TIMP2: variants seen among roughly 807,000 people sequenced by gnomAD.
TIMP2 encodes the protein metalloproteinase inhibitor 2.
A neutral mutation model predicts 24.3 loss-of-function variants in TIMP2; 5 were observed. That is an observed-to-expected ratio of 0.21 (90% CI 0.11 to 0.43). The LOEUF is 0.43. TIMP2 is among the 20% of genes least tolerant of loss of function. TIMP2 has a pLI of 1.00. For missense variants in TIMP2, 221 were observed against 297.5 expected (o/e 0.74, Z 1.89); for synonymous variants, 130 against 123.2 (o/e 1.06, Z -0.37).
At chr17:78,862,091 T>C (rs1028314732) in intron 3 of TIMP2, among the ~76,000 whole-genome samples, 2 of 152,208 alleles carry the variant, frequency 1.3e-5, no homozygotes, top group Non-Finnish European at 2.9e-5. Flanking sequence ...TGTATGTTTA[T>C]TTTTCCTTTT....
In TIMP2 at chr17:78,866,618, T is replaced by C. The variant is rs370177822; in HGVS notation, c.340+4280A>G. The stretch of plus-strand genomic sequence containing the variant: ...ATGTTCATTGCAGTATTTGTCACAA[T>C]GGCCAAACGGTGGCAACAACCCAAA... On this transcript the variant is annotated intron_variant, in intron 3 of 4. Transcript: ENST00000262768. Among the ~76,000 whole-genome samples, 19 of 150,432 alleles carry C rather than the reference T, an allele frequency of 1.3e-4. No individual in the cohort carries two copies. The South Asian group carries it at 3.8e-3, about 30-fold the overall frequency.
In TIMP2 at chr17:78,855,549, G is replaced by A; in HGVS notation, c.*118C>T. The A allele has an allele frequency of 8.6e-7, 1 of 1,156,494 alleles. No homozygotes were observed. The highest frequency in any genetic ancestry group is 1.2e-6 in the Non-Finnish European group (1 of 822,934). The allele number at this position is 1,156,494 out of a possible 1,614,324, so 71.6% of individuals were successfully genotyped here. On this transcript the variant is annotated 3_prime_UTR_variant, in exon 5 of 5. Transcript: ENST00000262768. This position sits in a 1 kb window ranked among gnomAD's most constrained non-coding sequence, Gnocchi z 6.0. ...GGGGGGAGCAGAATCATATTAATTT[G>A]GACCCATGGGATGAGTGTTTTATTC...
intron 1 of TIMP2, among the ~76,000 whole-genome samples, chr17:78,910,760 A>C (rs1250734362): frequency 1.3e-5 from 2 of 152,216 alleles, no homozygotes; most frequent in African/African-American, 2.4e-5. Context: ...ATGTTGCTGC[A>C]AATGACAAGA....
intron 1 of TIMP2, chr17:78,904,731 G>A (rs545642982): frequency 2.0e-5 from 3 of 152,242 alleles, no homozygotes; most frequent in South Asian, 4.1e-4. Flanking sequence ...CATCTGAACC[G>A]GGGGACTGAG....
chr17:78,878,952 G>A (rs1000654670), intron 1 of TIMP2, among the ~76,000 whole-genome samples: 3 of 152,206 alleles, frequency 2.0e-5, no homozygotes, highest in East Asian at 1.9e-4. Flanking sequence ...CCAGTTCCAC[G>A]GCAACCTTCC....
rs201551873 is a variant in TIMP2, at chr17:78,891,506, T to C, written c.131-17587A>G. On this transcript the variant is annotated intron_variant, in intron 1 of 4. Transcript: ENST00000262768. The surrounding 1 kb of genome is among the most constrained non-coding windows in gnomAD (Gnocchi z 4.5). ...CAGCTCTTTCTGCCACTTGTTCTTCTCCCGGAGCGTGCACTGAGATGCTGG... is the reference window on the plus strand; with the variant it reads ...CAGCTCTTTCTGCCACTTGTTCTTCCCCCGGAGCGTGCACTGAGATGCTGG... 2.6e-3 allele frequency: 4,052 copies of C among 1,551,176 alleles called. 127 individuals carry two copies. The South Asian group carries it at 0.046, about 18-fold the overall frequency.
chr17:78,880,943 G>GCACTC (rs2069774240), intron 1 of TIMP2, among the ~76,000 whole-genome samples: 1 of 152,190 alleles, frequency 6.6e-6, no homozygotes, highest in Non-Finnish European at 1.5e-5. Flanking sequence ...TCTCCCCGGG[G>GCACTC]CACTCCACAC....
chr17:78,909,447 C>T (rs1373941764), intron 1 of TIMP2, among the ~76,000 whole-genome samples: 1 of 150,692 alleles, frequency 6.6e-6, no homozygotes, highest in African/African-American at 2.4e-5. Context: ...CATAATAATC[C>T]CCCCGGACCT....
intron 2 of TIMP2, 48 bp downstream of exon 2, chr17:78,873,771 C>G (rs772953191): frequency 1.3e-6 from 2 of 1,538,738 alleles, no homozygotes; most frequent in African/African-American, 2.7e-5. Context: ...CCCAACACCC[C>G]ACAGCTGTGC....
At chr17:78,887,321 T>C (rs1471214694) in intron 1 of TIMP2, among the ~76,000 whole-genome samples, 2 of 152,204 alleles carry the variant, frequency 1.3e-5, no homozygotes, top group Admixed American at 6.5e-5. Flanking sequence ...AGTCCTGTGG[T>C]TCCATGTGTG....
At chr17:78,872,751 G>C (rs956675368) in intron 2 of TIMP2, among the ~76,000 whole-genome samples, 1 of 152,076 alleles carries the variant, frequency 6.6e-6, no homozygotes, top group Non-Finnish European at 1.5e-5. Flanking sequence ...GAGAGACTAG[G>C]TCATCCCCTT....
chr17:78,886,176 T>A (rs980631371), intron 1 of TIMP2, among the ~76,000 whole-genome samples: 3 of 152,160 alleles, frequency 2.0e-5, no homozygotes, highest in African/African-American at 4.8e-5. Flanking sequence ...CGGGCAGAGA[T>A]GAGTCACCCT....
At chr17:78,865,240 G>A (rs1381066924) in intron 3 of TIMP2, among the ~76,000 whole-genome samples, 1 of 152,110 alleles carries the variant, frequency 6.6e-6, no homozygotes, top group African/African-American at 2.4e-5. Flanking sequence ...CAGAGGAACA[G>A]GGAATTATTG....
intron 1 of TIMP2, among the ~76,000 whole-genome samples, chr17:78,923,710 C>A (rs765052006): frequency 1.3e-5 from 2 of 152,182 alleles, no homozygotes; most frequent in Non-Finnish European, 2.9e-5. Context: ...CCAAGCCTTC[C>A]GCCCAGGTGG....
At chr17:78,866,662 C>T (rs1257426769) in intron 3 of TIMP2, among the ~76,000 whole-genome samples, 3 of 152,038 alleles carry the variant, frequency 2.0e-5, no homozygotes, top group South Asian at 2.1e-4. Flanking sequence ...AAATGATGAC[C>T]GGATAAACAA....
intron 1 of TIMP2, among the ~76,000 whole-genome samples, chr17:78,919,462 C>T (rs1262086214): frequency 1.3e-5 from 2 of 152,184 alleles, no homozygotes; most frequent in Non-Finnish European, 2.9e-5. Flanking sequence ...CCAGGGGTTA[C>T]GGTCCCCAGT....
At chr17:78,859,361 TA>T (rs1449791616) in intron 3 of TIMP2, among the ~76,000 whole-genome samples, 2 of 152,332 alleles carry the variant, frequency 1.3e-5, no homozygotes, top group African/African-American at 4.8e-5. Context: ...GGAAGTCATT[TA>T]AAAACTCATC....
At chr17:78,888,352 G>A (rs906633393) in intron 1 of TIMP2, among the ~76,000 whole-genome samples, 5 of 151,954 alleles carry the variant, frequency 3.3e-5, no homozygotes, top group African/African-American at 9.7e-5. Context: ...TAGAGACAGC[G>A]TTTCACAGTG....
chr17:78,856,463 G>A (rs1327128656), intron 4 of TIMP2: 3 of 155,726 alleles, frequency 1.9e-5, no homozygotes, highest in Non-Finnish European at 4.3e-5. Flanking sequence ...AGGGAGGGCA[G>A]CCCCAGGCAG....
Sources: allele counts gnomAD v4.1 joint callset (sites outside exome capture counted in the v4.1 genomes callset), GRCh38; gene constraint gnomAD v4.1.1; non-coding constraint Gnocchi (gnomAD v3.1); transcripts MANE v1.5; gene names NCBI Gene and HGNC (gene_info 2026-07-23, HGNC 2026-07-21).